The following RIPOR3 variants were observed in gnomAD, a reference collection of about 807,000 sequenced individuals.
RIPOR3 encodes RIPOR family member 3, also known as family with sequence similarity 65 member C.
RIPOR3 carries 95 observed loss-of-function variants against 114.3 expected under a neutral mutation model. That is an observed-to-expected ratio of 0.83 (90% confidence interval 0.70 to 0.99). The LOEUF (loss-of-function observed/expected upper bound fraction) is 0.99. RIPOR3 is among the 50% of genes least tolerant of loss of function. The probability of loss-of-function intolerance (pLI) is 0.00; values close to 1 mark genes in which losing one functional copy is unlikely to be tolerated. For missense variants in RIPOR3, 1,252 were observed against 1,266.9 expected (o/e 0.99, Z 0.18); for synonymous variants, 575 against 543.8 (o/e 1.06, Z -0.80).
At chr20:50,590,406 G>T (rs2083072303) in intron 19 of RIPOR3, among the ~76,000 whole-genome samples, 1 of 152,270 alleles carries the variant, frequency 6.6e-6, no homozygotes, top group African/African-American at 2.4e-5. Context: ...AAACCCAGGA[G>T]TGGGTTTGCC....
chr20:50,587,655 G>GGTC lies in RIPOR3; in HGVS notation c.2752+144_2752+146dup, dbSNP rs1424100395. 5.5e-6 allele frequency: 4 copies of GGTC among 723,300 alleles called. No homozygotes were observed. The African/African-American group carries it at 7.1e-5, about 13-fold the overall frequency. The allele number at this position is 723,300 out of a possible 1,614,324, so 44.8% of individuals were successfully genotyped here. A position where few individuals can be genotyped will look rare whatever the true frequency, so the allele number is the denominator to read the frequency against. ...TTGGCAGGATGCTACAAAGGGTGGA[G>GGTC]GTCGGCTCTGTGCCAGGGCTGCTAA... On this transcript the variant is annotated intron_variant, in intron 21 of 21. Transcript: ENST00000327979.
chr20:50,646,070 T>C (rs1459332030), intron 1 of RIPOR3, among the ~76,000 whole-genome samples: 3 of 152,040 alleles, frequency 2.0e-5, no homozygotes, highest in Non-Finnish European at 4.4e-5. Context: ...AAAAGTCAGA[T>C]TTTTTTTCAC....
intron 20 of RIPOR3, 31 bp from the exon 21 acceptor site, chr20:50,587,923 T>C: frequency 6.2e-7 from 1 of 1,607,924 alleles, no homozygotes; most frequent in Non-Finnish European, 8.5e-7. Flanking sequence ...AAGAACCCTT[T>C]AGGGGGCCTT....
At chr20:50,667,422 T>C (rs1236194027) in intron 1 of RIPOR3, among the ~76,000 whole-genome samples, 4 of 150,738 alleles carry the variant, frequency 2.7e-5, no homozygotes, top group South Asian at 2.1e-4. Flanking sequence ...ACCTCCCAAG[T>C]AGCTGTGATT....
At chr20:50,601,418 G>A (rs1223643268) in intron 13 of RIPOR3, among the ~76,000 whole-genome samples, 2 of 152,152 alleles carry the variant, frequency 1.3e-5, no homozygotes, top group African/African-American at 2.4e-5. Flanking sequence ...GCCAGCCTGG[G>A]CAACAGAGCG....
chr20:50,604,234 T>C (rs776795341), intron 12 of RIPOR3, among the ~76,000 whole-genome samples: 11 of 150,622 alleles, frequency 7.3e-5, no homozygotes, highest in Non-Finnish European at 1.3e-4. Flanking sequence ...TGCTGGTAGA[T>C]GGATTGCTGT....
intron 1 of RIPOR3, among the ~76,000 whole-genome samples, chr20:50,660,789 C>T (rs1304688387): frequency 8.5e-6 from 1 of 118,212 alleles, no homozygotes; most frequent in African/African-American, 3.3e-5. Context: ...GGGTCTTGCT[C>T]TGTCACCCAG....
intron 2 of RIPOR3, among the ~76,000 whole-genome samples, chr20:50,630,516 A>G (rs1215166743): frequency 6.6e-6 from 1 of 152,106 alleles, no homozygotes; most frequent in African/African-American, 2.4e-5. Flanking sequence ...CAAGGAAATG[A>G]TAGGTTTATC....
At chr20:50,685,497 G>A (rs988498220) in intron 1 of RIPOR3, among the ~76,000 whole-genome samples, 3 of 151,424 alleles carry the variant, frequency 2.0e-5, no homozygotes, top group African/African-American at 4.9e-5. Context: ...TTACAGGCAT[G>A]AGCCACTGCG....
At chr20:50,595,619 C>G in intron 15 of RIPOR3, 115 bp from the exon 16 acceptor site, 1 of 1,410,200 alleles carries the variant, frequency 7.1e-7, no homozygotes, top group Non-Finnish European at 9.6e-7. Flanking sequence ...GGGGCAGCTC[C>G]CTGACTGTCA....
intron 1 of RIPOR3, among the ~76,000 whole-genome samples, chr20:50,656,484 T>A (rs1443201680): frequency 1.3e-5 from 2 of 152,182 alleles, no homozygotes; most frequent in Non-Finnish European, 2.9e-5. Context: ...TACAATTTTT[T>A]ATCTTCTTTT....
At chr20:50,639,151 A>G (rs2123312645) in intron 1 of RIPOR3, among the ~76,000 whole-genome samples, 1 of 152,112 alleles carries the variant, frequency 6.6e-6, no homozygotes, top group Middle Eastern at 3.4e-3. Flanking sequence ...CTGAGGCAGG[A>G]GAATTGCTTG....
intron 1 of RIPOR3, among the ~76,000 whole-genome samples, chr20:50,641,889 G>A (rs367664895): frequency 5.3e-4 from 81 of 152,252 alleles, no homozygotes; most frequent in East Asian, 3.9e-4. Context: ...CCAATGCAGG[G>A]CGGTAGCCTC....
At chr20:50,663,138 C>T (rs377476733) in intron 1 of RIPOR3, among the ~76,000 whole-genome samples, 6 of 151,366 alleles carry the variant, frequency 4.0e-5, no homozygotes, top group Non-Finnish European at 7.4e-5. Context: ...GCTGACTGCA[C>T]CTGTTTGTAG....
At chr20:50,590,184 A>AT (rs2122857580) in intron 19 of RIPOR3, among the ~76,000 whole-genome samples, 1 of 152,296 alleles carries the variant, frequency 6.6e-6, no homozygotes, top group Non-Finnish European at 1.5e-5. Context: ...AAACCTGCCT[A>AT]TTCCCCTCAG....
chr20:50,646,260 C>T (rs749797108), intron 1 of RIPOR3, among the ~76,000 whole-genome samples: 7 of 152,216 alleles, frequency 4.6e-5, no homozygotes, highest in African/African-American at 7.2e-5. Flanking sequence ...CCTGAGTAGC[C>T]GGGACCATAG....
chr20:50,631,793 T>A (rs1175785883), intron 1 of RIPOR3, among the ~76,000 whole-genome samples: 1 of 152,246 alleles, frequency 6.6e-6, no homozygotes, highest in Non-Finnish European at 1.5e-5. Flanking sequence ...AATGCCACCC[T>A]ATCCCTTGGG....
chr20:50,605,372 C>T (rs1189879146), intron 11 of RIPOR3, among the ~76,000 whole-genome samples: 1 of 152,088 alleles, frequency 6.6e-6, no homozygotes. Context: ...ACCAACCACG[C>T]GAGACGGAAC....
At position 50,608,974 on chromosome 20, in the gene RIPOR3, C is replaced by T. The variant is rs373095217; in HGVS notation, c.641-19G>A. 79 of 1,565,316 alleles carry T rather than the reference C, an allele frequency of 5.0e-5. No individual in the cohort carries two copies. The highest frequency in any genetic ancestry group is 6.1e-5 in the Non-Finnish European group (71 of 1,155,084). On this transcript the variant is annotated intron_variant, in intron 8 of 21. Transcript: ENST00000327979. ...ACCAAGCCTGGAACACAGACATGGC[C>T]GGTCTCCCCTCCGCCTTCCACTCTC...
Sources: gnomAD v4.1 joint callset for allele counts (sites outside exome capture counted in the v4.1 genomes callset) on GRCh38, gnomAD v4.1.1 for gene constraint, MANE v1.5 for transcripts, NCBI Gene and HGNC (gene_info 2026-07-23, HGNC 2026-07-21) for gene names.